Variants in PAPPA observed in about 807,000 individuals in gnomAD.
PAPPA encodes the protein pappalysin 1, also known as pappalysin-1.
Under a neutral mutation model 164.0 loss-of-function variants are expected in PAPPA, and 60 were observed. That is an observed-to-expected ratio of 0.37 (90% CI 0.30 to 0.45). The LOEUF is 0.45. Among genes scored for constraint, PAPPA ranks in the 20% least tolerant of loss-of-function variants. The probability of loss-of-function intolerance (pLI) is 1.00; values close to 1 mark genes in which losing one functional copy is unlikely to be tolerated. For missense variants in PAPPA, 1,782 were observed against 2,087.3 expected (o/e 0.85, Z 2.85); for synonymous variants, 875 against 814.1 (o/e 1.07, Z -1.27).
intron 9 of PAPPA, among the ~76,000 whole-genome samples, chr9:116,293,511 T>C (rs1845462309): frequency 1.3e-5 from 2 of 152,230 alleles, no homozygotes; most frequent in African/African-American, 4.8e-5. Flanking sequence ...TAAGGGCAGA[T>C]GCTCTGAGAT....
At chr9:116,382,574 GGAC>G in intron 21 of PAPPA, 81 bp downstream of exon 21, 1 of 847,394 alleles carries the variant, frequency 1.2e-6, no homozygotes, top group Non-Finnish European at 2.1e-6. Flanking sequence ...CTTCATGGCT[GGAC>G]AACCCTTGTC....
intron 1 of PAPPA, among the ~76,000 whole-genome samples, chr9:116,161,525 T>C (rs1369202846): frequency 1.3e-5 from 2 of 152,230 alleles, no homozygotes; most frequent in Non-Finnish European, 2.9e-5. Context: ...TGTTCCTCCA[T>C]TACAAAGAGT....
At chr9:116,335,681 C>T (rs917856110) in intron 13 of PAPPA, among the ~76,000 whole-genome samples, 5 of 152,148 alleles carry the variant, frequency 3.3e-5, no homozygotes, top group East Asian at 3.9e-4. Flanking sequence ...GAGCTACAAG[C>T]GAGTGGAGTT....
At chr9:116,208,548 G>A (rs1466297237) in intron 3 of PAPPA, among the ~76,000 whole-genome samples, 2 of 151,970 alleles carry the variant, frequency 1.3e-5, no homozygotes, top group African/African-American at 2.4e-5. Flanking sequence ...ATCATTTTCC[G>A]TTTGGTAGAA....
intron 1 of PAPPA, among the ~76,000 whole-genome samples, chr9:116,175,728 G>A (rs913384749): frequency 1.3e-5 from 2 of 152,136 alleles, no homozygotes; most frequent in South Asian, 2.1e-4. Context: ...GCTCTATATA[G>A]TGATACAGGG....
At chr9:116,386,773 G>A (rs1846819667) in intron 21 of PAPPA, among the ~76,000 whole-genome samples, 1 of 152,164 alleles carries the variant, frequency 6.6e-6, no homozygotes, top group South Asian at 2.1e-4. Context: ...GCAAAGAGGA[G>A]AGCAGCTTTT....
At chr9:116,260,489 A>T (rs1205554552) in intron 7 of PAPPA, among the ~76,000 whole-genome samples, 1 of 152,186 alleles carries the variant, frequency 6.6e-6, no homozygotes, top group Non-Finnish European at 1.5e-5. Flanking sequence ...GCTCAAGGCT[A>T]CACTGGAATA....
chr9:116,368,599 TG>T (rs1241839827), intron 19 of PAPPA, among the ~76,000 whole-genome samples: 1 of 152,204 alleles, frequency 6.6e-6, no homozygotes, highest in Non-Finnish European at 1.5e-5. Flanking sequence ...CCCCCAGAGC[TG>T]ATGTGGGCCC....
intron 7 of PAPPA, among the ~76,000 whole-genome samples, chr9:116,263,956 C>G (rs1211607357): frequency 6.6e-6 from 1 of 152,184 alleles, no homozygotes; most frequent in East Asian, 1.9e-4. Flanking sequence ...GAACTACCCC[C>G]ATCTACTTAG....
At chr9:116,281,598 G>A (rs1434504595) in intron 9 of PAPPA, among the ~76,000 whole-genome samples, 1 of 152,120 alleles carries the variant, frequency 6.6e-6, no homozygotes, top group African/African-American at 2.4e-5. Flanking sequence ...ACCAGTAGAA[G>A]GGACTGTATT....
At chr9:116,291,264 C>A (rs1845432204) in intron 9 of PAPPA, among the ~76,000 whole-genome samples, 1 of 151,958 alleles carries the variant, frequency 6.6e-6, no homozygotes, top group Admixed American at 6.6e-5. Context: ...CCAGATATTC[C>A]ATTTCTTTTC....
intron 10 of PAPPA, among the ~76,000 whole-genome samples, chr9:116,313,030 C>T (rs543838465): frequency 2.2e-5 from 3 of 138,028 alleles, no homozygotes; most frequent in South Asian, 2.5e-4. Context: ...TTGCAGTGAG[C>T]GGAGATTGGG....
intron 17 of PAPPA, among the ~76,000 whole-genome samples, chr9:116,357,474 A>C (rs1243978774): frequency 6.6e-6 from 1 of 152,200 alleles, no homozygotes; most frequent in Admixed American, 6.5e-5. Flanking sequence ...ATACAGCTGG[A>C]AAAGAAACAA....
chr9:116,282,423 C>G (rs1446004892), intron 9 of PAPPA, among the ~76,000 whole-genome samples: 1 of 152,230 alleles, frequency 6.6e-6, no homozygotes, highest in South Asian at 2.1e-4. Flanking sequence ...ATATTTCCAC[C>G]CTTTTTCCAT....
chr9:116,193,319 A>G (rs1844066438), intron 2 of PAPPA, among the ~76,000 whole-genome samples: 1 of 151,940 alleles, frequency 6.6e-6, no homozygotes, highest in Non-Finnish European at 1.5e-5. Flanking sequence ...TGCTCTAATC[A>G]GGGCCACTGA....
chr9:116,235,189 C>G lies in PAPPA; in HGVS notation c.2284C>G (p.Pro762Ala). The part of the protein sequence containing the change: ...PCKSSVRTWS[P>A]NSAVNPHTVP... Reference sequence around the variant, plus strand: ...TAAGTCCAGTGTCCGCACCTGGAGCCCAAATTCAGCTGTCAACCCACACAC... The same window carrying G: ...TAAGTCCAGTGTCCGCACCTGGAGCGCAAATTCAGCTGTCAACCCACACAC... Residue 762 changes from proline to alanine, a missense_variant, in exon 7 of 22, where the codon CCA becomes GCA. Around this residue, in one of 2 missense-constraint regions of PAPPA, gnomAD observed 1,324 missense variants for 1,656.9 expected, o/e 0.80. Transcript: ENST00000328252. 6.2e-7 allele frequency: 1 copy of G among 1,614,108 alleles called. No homozygotes were observed. The highest frequency in any genetic ancestry group is 8.5e-7 in the Non-Finnish European group (1 of 1,180,006).
intron 1 of PAPPA, among the ~76,000 whole-genome samples, chr9:116,168,209 T>C (rs113023078): frequency 6.8e-4 from 103 of 152,362 alleles, no homozygotes; most frequent in African/African-American, 2.3e-3. Context: ...TGAAAGTTTA[T>C]TAGGAAAGGT....
At chr9:116,309,485 G>C (rs985991534) in intron 10 of PAPPA, among the ~76,000 whole-genome samples, 2 of 152,188 alleles carry the variant, frequency 1.3e-5, no homozygotes, top group African/African-American at 4.8e-5. Flanking sequence ...ATACCCACTA[G>C]GGTATTGTAT....
At chr9:116,163,420 A>T (rs1349402274) in intron 1 of PAPPA, among the ~76,000 whole-genome samples, 1 of 152,148 alleles carries the variant, frequency 6.6e-6, no homozygotes, top group Non-Finnish European at 1.5e-5. Context: ...TGTATCGCAA[A>T]AGGAGGAGCA....
Sources: gnomAD v4.1 joint callset for allele counts (sites outside exome capture counted in the v4.1 genomes callset) on GRCh38, gnomAD v4.1.1 for gene constraint, gnomAD v4.1.1 regional missense constraint, MANE v1.5 for transcripts, NCBI Gene and HGNC (gene_info 2026-07-23, HGNC 2026-07-21) for gene names.